Variants in KCNT2 observed in about 807,000 individuals in gnomAD.
KCNT2 encodes the protein potassium channel subfamily T member 2.
Under a neutral mutation model 153.8 loss-of-function variants are expected in KCNT2, and 67 were observed. The ratio of observed to expected loss-of-function variants is 0.44; its 90% confidence interval spans 0.36 to 0.53. KCNT2 has a LOEUF of 0.53. Ranked by LOEUF, KCNT2 falls within the 20% of genes least tolerant of loss-of-function variation. The pLI is 0.00. For missense variants in KCNT2, 975 were observed against 1,354.8 expected, an observed-to-expected ratio of 0.72 and a Z score of 4.40; for synonymous variants, 500 against 458.8, an observed-to-expected ratio of 1.09 and a Z score of -1.15.
chr1:196,536,818 G>A (rs893122284), intron 1 of KCNT2, among the ~76,000 whole-genome samples: 3 of 152,128 alleles, frequency 2.0e-5, no homozygotes, highest in Middle Eastern at 3.4e-3. Context: ...TTCCCAGTCC[G>A]AGGGACTGTT....
chr1:196,342,232 C>A lies in KCNT2; in HGVS notation c.1404-4G>T, dbSNP rs1359958780. The stretch of plus-strand genomic sequence containing the variant: ...TTCTGGCGATTGCTGGCCTTCTCTG[C>A]AACACAGGCACACACACATACACAC... On this transcript the variant is annotated splice_region_variant and splice_polypyrimidine_tract_variant and intron_variant, in intron 14 of 27. Transcript: ENST00000294725. The A allele has an allele frequency of 6.2e-7, 1 of 1,610,078 alleles. No homozygotes were observed. The highest frequency in any genetic ancestry group is 8.5e-7 in the Non-Finnish European group (1 of 1,178,284).
chr1:196,451,157 C>A (rs11810883), intron 8 of KCNT2, among the ~76,000 whole-genome samples: 2 of 147,744 alleles, frequency 1.4e-5, no homozygotes, highest in East Asian at 2.1e-4. Context: ...TTCAAAATTA[C>A]GCTTACTGAA....
At chr1:196,531,387 C>A (rs1654918438) in intron 1 of KCNT2, among the ~76,000 whole-genome samples, 1 of 152,070 alleles carries the variant, frequency 6.6e-6, no homozygotes, top group Admixed American at 6.6e-5. Flanking sequence ...ACATTTAAAT[C>A]CAGCTATGGG....
chr1:196,319,547 A>G lies in KCNT2; in HGVS notation c.2285T>C (p.Met762Thr). 1 of 1,607,398 alleles carries G rather than the reference A, an allele frequency of 6.2e-7. No homozygotes were observed. The highest frequency in any genetic ancestry group is 8.5e-7 in the Non-Finnish European group (1 of 1,174,976). ...IVLLLDNPPDMHFLDAICWFP... is the reference protein window; with the variant it reads ...IVLLLDNPPDTHFLDAICWFP... ...CCAACAGATTGCATCCAGAAAATGC[A>G]TATCTGGCCTAAGTAGTAGATGGGT... Residue 762 changes from methionine to threonine, a missense_variant, in exon 20 of 28, where the codon ATG becomes ACG. Around this residue, in one of 6 missense-constraint regions of KCNT2, gnomAD observed 325 missense variants for 388.1 expected, o/e 0.84. Coordinates refer to ENST00000294725, the MANE Select transcript of KCNT2 (RefSeq NM_198503.5).
At chr1:196,425,740 A>G in intron 11 of KCNT2, 112 bp downstream of exon 11, 1 of 1,072,212 alleles carries the variant, frequency 9.3e-7, no homozygotes, top group Non-Finnish European at 1.4e-6. Context: ...TCTATACTCA[A>G]ACATACTTTA....
At chr1:196,405,597 C>A (rs1470503309) in intron 12 of KCNT2, among the ~76,000 whole-genome samples, 2 of 151,426 alleles carry the variant, frequency 1.3e-5, no homozygotes, top group East Asian at 1.9e-4. Flanking sequence ...TTATTTACCT[C>A]TCCATAAATT....
intron 1 of KCNT2, among the ~76,000 whole-genome samples, chr1:196,573,661 G>T (rs190979893): frequency 6.6e-6 from 1 of 151,992 alleles, no homozygotes; most frequent in Non-Finnish European, 1.5e-5. Context: ...AGAAAGAGAC[G>T]GAAGGAGGAA....
intron 21 of KCNT2, among the ~76,000 whole-genome samples, chr1:196,311,887 A>G (rs1558131042): frequency 6.6e-6 from 1 of 151,846 alleles, no homozygotes; most frequent in Non-Finnish European, 1.5e-5. Context: ...TCAATTTGAC[A>G]TAGACTTTTT....
At chr1:196,305,988 A>G (rs1322179656) in intron 21 of KCNT2, among the ~76,000 whole-genome samples, 1 of 152,046 alleles carries the variant, frequency 6.6e-6, no homozygotes, top group Non-Finnish European at 1.5e-5. Context: ...TCAAATATAT[A>G]CCAAAATGAG....
chr1:196,286,679 T>G (rs2147896107), intron 22 of KCNT2, among the ~76,000 whole-genome samples: 1 of 151,872 alleles, frequency 6.6e-6, no homozygotes, highest in South Asian at 2.1e-4. Flanking sequence ...TTTATGTATG[T>G]TTGAATGCTT....
rs1007861802 is a variant in KCNT2, at chr1:196,482,227, A to C, written c.324+104T>G. ...AGATGTGCATGAAGATTAATCAGGC[A>C]GAAAGACAAACTCATTTTGAACATC... On this transcript the variant is annotated intron_variant, in intron 4 of 27. Transcript: ENST00000294725. The C allele has an allele frequency of 4.2e-6, 3 of 713,746 alleles. No homozygotes were observed. The African/African-American group carries it at 5.7e-5, about 14-fold the overall frequency. The allele number at this position is 713,746 out of a possible 1,614,324, so 44.2% of individuals were successfully genotyped here.
At chr1:196,282,481 A>G in intron 23 of KCNT2, 125 bp from the exon 24 acceptor site, 1 of 548,396 alleles carries the variant, frequency 1.8e-6, no homozygotes, top group Admixed American at 3.2e-5. Flanking sequence ...TCACATTTTT[A>G]ACCCTCCATA....
intron 12 of KCNT2, among the ~76,000 whole-genome samples, chr1:196,400,707 A>G (rs2148447365): frequency 6.6e-6 from 1 of 151,952 alleles, no homozygotes; most frequent in African/African-American, 2.4e-5. Flanking sequence ...TAATAATAAA[A>G]GAAGAAATAG....
In KCNT2 at chr1:196,340,532, T is replaced by C; in HGVS notation, c.1592A>G (p.Asn531Ser). 4 of 1,610,498 alleles carry C rather than the reference T, an allele frequency of 2.5e-6. No individual in the cohort carries two copies. The highest frequency in any genetic ancestry group is 3.4e-6 in the Non-Finnish European group (4 of 1,178,004). ...ACCTGGATTCAGCAAAATGTTTTTA[T>C]TATCCTCCCTCCTAACACCAATCAA... Reference protein sequence around the residue: ...VCLIGVRREDNKNILLNPGPR... With the variant: ...VCLIGVRREDSKNILLNPGPR... The change falls in exon 16 of 28, where the codon AAT becomes AGT. Residue 531 changes from asparagine (N) to serine (S), a missense_variant. By Grantham distance (46) the Asn-to-Ser change is conservative. Around this residue, in one of 6 missense-constraint regions of KCNT2, gnomAD observed 325 missense variants for 388.1 expected, o/e 0.84. Coordinates refer to ENST00000294725, the MANE Select transcript of KCNT2 (RefSeq NM_198503.5).
intron 1 of KCNT2, among the ~76,000 whole-genome samples, chr1:196,588,052 A>T (rs995066583): frequency 6.6e-6 from 1 of 152,048 alleles, no homozygotes; most frequent in African/African-American, 2.4e-5. Flanking sequence ...AACCTTTTCT[A>T]TCAGCTGAGG....
intron 8 of KCNT2, among the ~76,000 whole-genome samples, chr1:196,437,346 T>C (rs940828310): frequency 8.6e-5 from 12 of 138,852 alleles, no homozygotes; most frequent in African/African-American, 2.9e-4. Context: ...TTATTTATTT[T>C]TATTAATATA....
intron 22 of KCNT2, among the ~76,000 whole-genome samples, chr1:196,292,811 CAAAAAAAAAAAA>C (rs750026564): frequency 1.4e-5 from 1 of 69,292 alleles, no homozygotes; most frequent in African/African-American, 5.4e-5. Context: ...GACTCTGTCT[CAAAAAAAAAAAA>C]AAAAAAAAAA....
At chr1:196,446,183 T>A (rs1365213256) in intron 8 of KCNT2, among the ~76,000 whole-genome samples, 1 of 151,480 alleles carries the variant, frequency 6.6e-6, no homozygotes, top group Non-Finnish European at 1.5e-5. Context: ...GCTTCTACTC[T>A]GTATTTTTTT....
intron 20 of KCNT2, among the ~76,000 whole-genome samples, chr1:196,316,816 G>T (rs1017586142): frequency 6.6e-6 from 1 of 151,656 alleles, no homozygotes; most frequent in Non-Finnish European, 1.5e-5. Flanking sequence ...GCTGAAACAG[G>T]GAAACATTAT....
Sources: allele counts gnomAD v4.1 joint callset (sites outside exome capture counted in the v4.1 genomes callset), GRCh38; gene constraint gnomAD v4.1.1; regional missense constraint gnomAD v4.1.1; transcripts MANE v1.5; gene names NCBI Gene and HGNC (gene_info 2026-07-23, HGNC 2026-07-21).